CPEB2: variants seen among roughly 807,000 people sequenced by gnomAD.
CPEB2 encodes the protein cytoplasmic polyadenylation element-binding protein 2.
A neutral mutation model predicts 93.6 loss-of-function variants in CPEB2; 56 were observed. The ratio of observed to expected loss-of-function variants is 0.60; its 90% confidence interval spans 0.48 to 0.75. The LOEUF is 0.75. Ranked by LOEUF, CPEB2 falls within the 30% of genes least tolerant of loss-of-function variation. The pLI is 0.00. For synonymous variants in CPEB2, 764 were observed against 586.3 expected, an observed-to-expected ratio of 1.30 and a Z score of -4.38; for missense variants, 1,579 against 1,395.1, an observed-to-expected ratio of 1.13 and a Z score of -2.10.
At chr4:15,038,585 C>G (rs1228594027) in intron 5 of CPEB2, among the ~76,000 whole-genome samples, 1 of 137,232 alleles carries the variant, frequency 7.3e-6, no homozygotes, top group Non-Finnish European at 1.6e-5. Flanking sequence ...GTAGTCTATT[C>G]TTTTTTTTTT....
At chr4:15,046,947 C>A (rs1482231948) in intron 6 of CPEB2, among the ~76,000 whole-genome samples, 1 of 152,126 alleles carries the variant, frequency 6.6e-6, no homozygotes, top group Non-Finnish European at 1.5e-5. Context: ...AGTCTGTGAT[C>A]CTTCTTGGAT....
chr4:15,036,364 A>G (rs1338035228), intron 5 of CPEB2, among the ~76,000 whole-genome samples: 4 of 152,218 alleles, frequency 2.6e-5, no homozygotes, highest in African/African-American at 9.6e-5. Flanking sequence ...AATATGTTGA[A>G]GAGTCCGTAT....
At chr4:15,016,384 A>G (rs1724148771) in intron 3 of CPEB2, among the ~76,000 whole-genome samples, 1 of 152,010 alleles carries the variant, frequency 6.6e-6, no homozygotes, top group African/African-American at 2.4e-5. Flanking sequence ...AAATTTATGG[A>G]CATTAAAGAG....
At chr4:15,014,193 A>T (rs976770911) in intron 3 of CPEB2, among the ~76,000 whole-genome samples, 4 of 152,166 alleles carry the variant, frequency 2.6e-5, no homozygotes, top group African/African-American at 4.8e-5. Flanking sequence ...TGGGTGATTT[A>T]ATAGTTACCA....
intron 4 of CPEB2, among the ~76,000 whole-genome samples, chr4:15,019,427 G>T (rs1462647050): frequency 9.3e-5 from 14 of 151,310 alleles, no homozygotes; most frequent in Non-Finnish European, 1.9e-4. Context: ...CTTTGGGCTA[G>T]ACCTCAGTAG....
chr4:15,021,132 T>C (rs531675660), intron 4 of CPEB2, among the ~76,000 whole-genome samples: 1 of 152,280 alleles, frequency 6.6e-6, no homozygotes, highest in South Asian at 2.1e-4. Flanking sequence ...GTCGAGAGTG[T>C]GCTATCTTTT....
At chr4:15,017,900 A>C (rs1381278746) in intron 4 of CPEB2, 2 of 151,894 alleles carry the variant, frequency 1.3e-5, no homozygotes, top group African/African-American at 4.8e-5. Context: ...AAAATGAAAA[A>C]AAGCAATTAT....
intron 7 of CPEB2, 81 bp downstream of exon 7, chr4:15,052,665 T>G: frequency 1.1e-6 from 1 of 914,522 alleles, no homozygotes; most frequent in East Asian, 3.0e-5. Context: ...GTGAATGGAC[T>G]ATGAAAGTTT....
chr4:15,005,548 G>C (rs912452447), intron 1 of CPEB2, among the ~76,000 whole-genome samples: 1 of 152,140 alleles, frequency 6.6e-6, no homozygotes, highest in Non-Finnish European at 1.5e-5. Flanking sequence ...ATTTGTTGCA[G>C]AGTTCATTCT....
intron 5 of CPEB2, among the ~76,000 whole-genome samples, chr4:15,035,384 C>G (rs1726509857): frequency 6.6e-6 from 1 of 152,176 alleles, no homozygotes; most frequent in East Asian, 1.9e-4. Context: ...TAGAGATTAG[C>G]ATACTGCCTG....
At chr4:15,017,962 T>C (rs539356146) in intron 4 of CPEB2, 2 of 151,908 alleles carry the variant, frequency 1.3e-5, no homozygotes, top group African/African-American at 4.8e-5. Context: ...GTGGTGAAAA[T>C]CTACCAAATT....
chr4:15,018,936 T>TTATATA (rs56945294), intron 4 of CPEB2, among the ~76,000 whole-genome samples: 378 of 133,018 alleles, frequency 2.8e-3, no homozygotes, highest in African/African-American at 7.6e-3. Context: ...AAGGGGAATT[T>TTATATA]TATATATATA....
chr4:15,009,758 T>G (rs537127928), intron 3 of CPEB2, among the ~76,000 whole-genome samples: 1 of 152,276 alleles, frequency 6.6e-6, no homozygotes, highest in South Asian at 2.1e-4. Context: ...ACAAATTAGC[T>G]GGCATACATG....
At position 15,003,261 on chromosome 4, in the gene CPEB2, G is replaced by A; in HGVS notation, c.588G>A (p.Pro196=). The A allele has an allele frequency of 1.3e-6, 2 of 1,523,614 alleles. No homozygotes were observed. Among genetic ancestry groups the A allele is most frequent in the Non-Finnish European group, 8.8e-7 (1 of 1,141,418 alleles). 94.4% of individuals were successfully genotyped at this position (1,523,614 alleles called of 1,614,324 possible). A position where few individuals can be genotyped will look rare whatever the true frequency, so the allele number is the denominator to read the frequency against. ...HLPHPPDSKP[P]PPPPPLHCPG... is the part of the protein sequence containing the mutation. ...CCCACCCTCCGGACTCGAAGCCGCC[G>A]CCGCCGCCTCCGCCGCTCCACTGCC... The change falls in exon 1 of 12, where the codon CCG becomes CCA. Residue 196 remains proline (P), a synonymous_variant. Coordinates refer to ENST00000538197, the MANE Select transcript of CPEB2 (RefSeq NM_001177382.2).
intron 6 of CPEB2, among the ~76,000 whole-genome samples, chr4:15,046,185 G>C (rs1353483836): frequency 2.0e-5 from 3 of 151,928 alleles, no homozygotes; most frequent in Admixed American, 6.6e-5. Context: ...CTGCCAAATA[G>C]TTTCCAGTTT....
intron 4 of CPEB2, among the ~76,000 whole-genome samples, chr4:15,032,395 T>C (rs1415877111): frequency 6.6e-6 from 1 of 152,238 alleles, no homozygotes; most frequent in Non-Finnish European, 1.5e-5. Flanking sequence ...ATAAGTGTTA[T>C]GATGTAAAAA....
At chr4:15,058,602 T>C in intron 9 of CPEB2, 63 bp downstream of exon 9, 3 of 867,078 alleles carry the variant, frequency 3.5e-6, no homozygotes, top group Non-Finnish European at 5.7e-6. Context: ...TGTTTTGAAA[T>C]GATTGTTAAT....
intron 6 of CPEB2, among the ~76,000 whole-genome samples, chr4:15,044,671 A>G (rs1307711476): frequency 6.6e-6 from 1 of 152,186 alleles, no homozygotes; most frequent in Admixed American, 6.5e-5. Context: ...AGTGTATTTG[A>G]TTAAACAGAT....
intron 1 of CPEB2, among the ~76,000 whole-genome samples, 170 bp downstream of exon 1, chr4:15,004,505 C>T (rs1245338906): frequency 1.3e-5 from 2 of 152,080 alleles, no homozygotes; most frequent in Admixed American, 6.5e-5. Context: ...TGACAGGACT[C>T]GGAACCCCAG....
Sources: allele counts gnomAD v4.1 joint callset (sites outside exome capture counted in the v4.1 genomes callset), GRCh38; gene constraint gnomAD v4.1.1; transcripts MANE v1.5; gene names NCBI Gene and HGNC (gene_info 2026-07-23, HGNC 2026-07-21).